The following SLC5A8 variants were observed in gnomAD, a reference collection of about 807,000 sequenced individuals.
The protein encoded by SLC5A8 is sodium-coupled monocarboxylate transporter 1.
In SLC5A8, 55 loss-of-function variants were observed where a neutral mutation model predicts 71.9. The ratio of observed to expected loss-of-function variants is 0.77; its 90% CI spans 0.62 to 0.96. SLC5A8 has a LOEUF of 0.96. Among genes scored for constraint, SLC5A8 ranks in the 40% least tolerant of loss-of-function variants. The pLI is 0.00. For missense variants in SLC5A8, 701 were observed against 745.3 expected (o/e 0.94, Z 0.69); for synonymous variants, 307 against 276.1 (o/e 1.11, Z -1.11).
chr12:101,175,817 G>A (rs1474528380), intron 10 of SLC5A8, among the ~76,000 whole-genome samples: 1 of 151,944 alleles, frequency 6.6e-6, no homozygotes, highest in Non-Finnish European at 1.5e-5. Context: ...GGGGATAAAG[G>A]GGAAACTCAA....
chr12:101,187,495 A>T lies in SLC5A8; in HGVS notation c.854T>A (p.Val285Glu). ...GCATGTGAGGATTGCCCAGAGTCCC[A>T]CAAGATTGATGTAGAGAGACCTAAA... Reference protein sequence around the residue: ...QAKLSLYINLVGLWAILTCSV... With the variant: ...QAKLSLYINLEGLWAILTCSV... Residue 285 changes from valine to glutamate, a missense_variant, in exon 7 of 15, where the codon GTG (valine) becomes GAG (glutamate). Transcript: ENST00000536262. 2 of 1,613,574 alleles carry T rather than the reference A, an allele frequency of 1.2e-6. No homozygotes were observed. The highest frequency in any genetic ancestry group is 1.7e-6 in the Non-Finnish European group (2 of 1,179,840).
chr12:101,199,317 G>A (rs1003108522), intron 3 of SLC5A8: 8 of 151,600 alleles, frequency 5.3e-5, no homozygotes, highest in African/African-American at 1.9e-4. Context: ...TTTGTGCAAG[G>A]GCCATGCTAA....
intron 5 of SLC5A8, among the ~76,000 whole-genome samples, chr12:101,192,036 AGTAGT>A (rs1159394240): frequency 6.6e-6 from 1 of 152,212 alleles, no homozygotes; most frequent in South Asian, 2.1e-4. Flanking sequence ...AGCAATCAAG[AGTAGT>A]CATTGGTTGT....
At chr12:101,169,060 AGAG>A (rs2051801429) in intron 10 of SLC5A8, among the ~76,000 whole-genome samples, 1 of 152,206 alleles carries the variant, frequency 6.6e-6, no homozygotes, top group Non-Finnish European at 1.5e-5. Context: ...TACTGAGTAG[AGAG>A]GAGAACTAGT....
chr12:101,165,134 C>A (rs1012296383), intron 12 of SLC5A8, among the ~76,000 whole-genome samples: 6 of 152,118 alleles, frequency 3.9e-5, no homozygotes, highest in African/African-American at 1.4e-4. Flanking sequence ...TCCATGGATA[C>A]TAAATAAATG....
chr12:101,193,198 C>T (rs996841563), intron 5 of SLC5A8, among the ~76,000 whole-genome samples: 5 of 152,104 alleles, frequency 3.3e-5, no homozygotes, highest in Non-Finnish European at 7.4e-5. Flanking sequence ...GTCTCGAACT[C>T]CTGGCCTCAG....
intron 10 of SLC5A8, 122 bp from the exon 11 acceptor site, chr12:101,168,304 G>A: frequency 2.2e-6 from 2 of 889,446 alleles, no homozygotes; most frequent in Non-Finnish European, 3.4e-6. Context: ...CATAGTTTCA[G>A]TCATGATAGC....
chr12:101,166,681 T>G lies in SLC5A8; in HGVS notation c.1339A>C (p.Met447Leu), dbSNP rs1198872090. ...CATAGAGAAATGGCAAATCCAGCCA[T>G]CAGACCAACAAGTGCTCCCTGTAAA... ...ANSIGALVGL[M>L]AGFAISLWVG... is the part of the protein sequence containing the mutation. Residue 447 changes from methionine to leucine, a missense_variant, in exon 12 of 15, where the codon ATG becomes CTG. By Grantham distance (15) the Met-to-Leu change is conservative. Coordinates refer to ENST00000536262, the MANE Select transcript of SLC5A8 (RefSeq NM_145913.5). The G allele has an allele frequency of 6.2e-7, 1 of 1,610,918 alleles. No homozygotes were observed. The highest frequency in any genetic ancestry group is 8.5e-7 in the Non-Finnish European group (1 of 1,178,908).
At chr12:101,199,711 A>T (rs1869354514) in intron 3 of SLC5A8, among the ~76,000 whole-genome samples, 1 of 151,936 alleles carries the variant, frequency 6.6e-6, no homozygotes, top group East Asian at 1.9e-4. Context: ...GTGGACATGG[A>T]AAACGATATA....
chr12:101,202,768 T>C (rs567989545), intron 2 of SLC5A8, among the ~76,000 whole-genome samples: 1 of 152,176 alleles, frequency 6.6e-6, no homozygotes, highest in Non-Finnish European at 1.5e-5. Context: ...ATTATTTTCA[T>C]TCATACACTT....
At position 101,209,640 on chromosome 12, in the gene SLC5A8, G is replaced by A. The variant is rs770297802; in HGVS notation, c.209C>T (p.Thr70Ile). The A allele has an allele frequency of 1.2e-6, 2 of 1,614,052 alleles. No individual in the cohort carries two copies. Among genetic ancestry groups the A allele is most frequent in the South Asian group, 2.2e-5 (2 of 91,082 alleles). ...GACCTCGGAGGGGGTGCCCAGGACAGTGACGGCTGACATGAAGCTAGCGGT... is the reference window on the plus strand; with the variant it reads ...GACCTCGGAGGGGGTGCCCAGGACAATGACGGCTGACATGAAGCTAGCGGT... ...SLTASFMSAV[T>I]VLGTPSEVYR... The change falls in exon 1 of 15, where the codon ACT becomes ATT. Residue 70 changes from threonine to isoleucine, a missense_variant. Physicochemically the swap from Thr to Ile is moderately conservative, Grantham distance 89. Transcript: ENST00000536262.
chr12:101,172,626 A>G (rs545078586), intron 10 of SLC5A8, among the ~76,000 whole-genome samples: 2 of 152,182 alleles, frequency 1.3e-5, no homozygotes, highest in East Asian at 3.9e-4. Context: ...GTAGGGAGCG[A>G]GGTGCTGTTG....
intron 11 of SLC5A8, among the ~76,000 whole-genome samples, chr12:101,167,424 A>T (rs1311858021): frequency 6.6e-6 from 1 of 152,252 alleles, no homozygotes; most frequent in Admixed American, 6.5e-5. Flanking sequence ...GCGACTGCAC[A>T]TACATTATCA....
intron 7 of SLC5A8, among the ~76,000 whole-genome samples, chr12:101,184,997 A>G (rs913859672): frequency 6.6e-6 from 1 of 152,184 alleles, no homozygotes; most frequent in African/African-American, 2.4e-5. Context: ...GTGTCCTCTC[A>G]TTTGCACTAA....
Position 101,202,171 on chromosome 12 carries a change from C to T in SLC5A8, c.462G>A (p.Leu154=), listed in dbSNP as rs1482399356. The T allele has an allele frequency of 6.2e-7, 1 of 1,610,152 alleles. No homozygotes were observed. The highest frequency in any genetic ancestry group is 1.7e-5 in the Admixed American group (1 of 59,612). The change falls in exon 3 of 15, where the codon TTG becomes TTA. Residue 154 remains leucine, a synonymous_variant. Coordinates refer to ENST00000536262, the MANE Select transcript of SLC5A8 (RefSeq NM_145913.5). ...GIVIYAPALA[L]NQVTGFDLWG... Reference sequence around the variant, plus strand: ...GGCAACTCTAAAATGTACCTTGATTCAAAGCCAGGGCAGGGGCATAAATAA... The same window carrying T: ...GGCAACTCTAAAATGTACCTTGATTTAAAGCCAGGGCAGGGGCATAAATAA...
intron 4 of SLC5A8, 111 bp from the exon 5 acceptor site, chr12:101,193,890 G>C: frequency 9.1e-7 from 1 of 1,094,544 alleles, no homozygotes; most frequent in Non-Finnish European, 1.3e-6. Flanking sequence ...TGTTGGCTAA[G>C]AAGTGCACTC....
chr12:101,189,627 A>G (rs1868812532), intron 6 of SLC5A8, among the ~76,000 whole-genome samples: 1 of 151,538 alleles, frequency 6.6e-6, no homozygotes, highest in Non-Finnish European at 1.5e-5. Context: ...ACCATTCCAC[A>G]CTCTTTGCTC....
chr12:101,186,825 G>C (rs1192988750), intron 7 of SLC5A8, among the ~76,000 whole-genome samples: 2 of 152,222 alleles, frequency 1.3e-5, no homozygotes, highest in South Asian at 2.1e-4. Context: ...GTGACCTTGG[G>C]TAAGTTATAT....
intron 6 of SLC5A8, among the ~76,000 whole-genome samples, chr12:101,189,100 C>T (rs1166642408): frequency 6.6e-6 from 1 of 152,196 alleles, no homozygotes; most frequent in African/African-American, 2.4e-5. Context: ...CAAGAAAGCT[C>T]TAATGCTGCT....
Sources: allele counts gnomAD v4.1 joint callset (sites outside exome capture counted in the v4.1 genomes callset), GRCh38; gene constraint gnomAD v4.1.1; transcripts MANE v1.5; gene names NCBI Gene and HGNC (gene_info 2026-07-23, HGNC 2026-07-21).